Variants in DPP10 observed in about 807,000 individuals in gnomAD.
DPP10 encodes the protein dipeptidyl peptidase like 10.
DPP10 carries 33 observed loss-of-function variants against 120.9 expected under a neutral mutation model. That is an observed-to-expected ratio of 0.27 (90% CI 0.21 to 0.37). DPP10 has a LOEUF of 0.37. DPP10 is among the 10% of genes least tolerant of loss of function. The pLI, the probability that DPP10 is intolerant of heterozygous loss-of-function variation, is 1.00. For synonymous variants in DPP10, 337 were observed against 326.1 expected (o/e 1.03, Z -0.36); for missense variants, 816 against 942.8 (o/e 0.87, Z 1.76).
chr2:115,744,799 T>G (rs1677738779), intron 9 of DPP10, among the ~76,000 whole-genome samples: 3 of 150,434 alleles, frequency 2.0e-5, no homozygotes, highest in Admixed American at 1.4e-4. Context: ...ACATGGATCT[T>G]CGTCATTTTT....
chr2:115,316,584 A>G (rs2061804381), intron 2 of DPP10, among the ~76,000 whole-genome samples: 2 of 152,126 alleles, frequency 1.3e-5, no homozygotes, highest in Non-Finnish European at 2.9e-5. Flanking sequence ...ATGTATTTTT[A>G]TTTCTGGTTT....
intron 1 of DPP10, among the ~76,000 whole-genome samples, chr2:114,771,729 A>G (rs1006548500): frequency 3.9e-5 from 6 of 152,318 alleles, no homozygotes; most frequent in Admixed American, 2.0e-4. Flanking sequence ...AACACTTCCA[A>G]CACTTCCAAG....
At chr2:114,886,102 C>A (rs918757790) in intron 1 of DPP10, among the ~76,000 whole-genome samples, 10 of 152,042 alleles carry the variant, frequency 6.6e-5, no homozygotes, top group African/African-American at 1.9e-4. Flanking sequence ...TACTTTTGGA[C>A]AAATTTAAAA....
intron 1 of DPP10, among the ~76,000 whole-genome samples, chr2:114,567,361 T>C (rs1170119176): frequency 6.6e-6 from 1 of 152,118 alleles, no homozygotes; most frequent in African/African-American, 2.4e-5. Context: ...AGTTGGAGAT[T>C]AGAATATGGG....
At chr2:115,449,237 C>T (rs997665262) in intron 3 of DPP10, among the ~76,000 whole-genome samples, 1 of 151,942 alleles carries the variant, frequency 6.6e-6, no homozygotes, top group African/African-American at 2.4e-5. Context: ...ACATTTGATG[C>T]AAGATATACT....
At chr2:115,152,934 GT>G (rs2051657769) in intron 1 of DPP10, among the ~76,000 whole-genome samples, 2 of 152,206 alleles carry the variant, frequency 1.3e-5, no homozygotes, top group South Asian at 4.1e-4. Context: ...AGTATAATGA[GT>G]AGGATGAACA....
intron 2 of DPP10, among the ~76,000 whole-genome samples, chr2:115,339,050 G>T (rs565615359): frequency 6.6e-6 from 1 of 152,084 alleles, no homozygotes; most frequent in Non-Finnish European, 1.5e-5. Flanking sequence ...TGAAATTCAC[G>T]TATCTGACAA....
intron 7 of DPP10, among the ~76,000 whole-genome samples, chr2:115,692,583 A>G (rs2091377209): frequency 6.6e-6 from 1 of 152,022 alleles, no homozygotes; most frequent in Non-Finnish European, 1.5e-5. Context: ...TGATTGGCCA[A>G]CCCTCATCCT....
chr2:115,189,523 A>C (rs2054711589), intron 1 of DPP10, among the ~76,000 whole-genome samples: 1 of 152,228 alleles, frequency 6.6e-6, no homozygotes, highest in Non-Finnish European at 1.5e-5. Context: ...AAAGAATAAC[A>C]GAGCTGAACA....
chr2:115,006,615 C>G (rs1359768380), intron 1 of DPP10, among the ~76,000 whole-genome samples: 6 of 146,650 alleles, frequency 4.1e-5, no homozygotes, highest in East Asian at 2.0e-4. Context: ...TCAAAAGAGA[C>G]AAAGAAGGCC....
chr2:114,929,711 G>A (rs1297016586), intron 1 of DPP10, among the ~76,000 whole-genome samples: 1 of 152,082 alleles, frequency 6.6e-6, no homozygotes, highest in Admixed American at 6.5e-5. Flanking sequence ...TGCAGTTAAC[G>A]CAATCATCAC....
intron 1 of DPP10, among the ~76,000 whole-genome samples, chr2:115,236,030 G>A (rs1211638834): frequency 1.3e-5 from 2 of 152,102 alleles, no homozygotes; most frequent in Non-Finnish European, 2.9e-5. Context: ...GCTAAGGAGT[G>A]CAAGAAACAG....
intron 1 of DPP10, among the ~76,000 whole-genome samples, chr2:114,566,118 G>A (rs78891953): frequency 0.043 from 6,567 of 152,154 alleles, 418 homozygotes; most frequent in East Asian, 0.21. Flanking sequence ...ATTTTCAGGG[G>A]TTCAGGTTCA....
chr2:114,855,148 G>C (rs905162096), intron 1 of DPP10, among the ~76,000 whole-genome samples: 1 of 152,164 alleles, frequency 6.6e-6, no homozygotes, highest in Non-Finnish European at 1.5e-5. Context: ...AAAAGAGAGA[G>C]AGACGTTGGA....
intron 3 of DPP10, among the ~76,000 whole-genome samples, chr2:115,495,996 C>T (rs2076376883): frequency 6.6e-6 from 1 of 150,750 alleles, no homozygotes; most frequent in African/African-American, 2.4e-5. Context: ...TATTTGATTA[C>T]TTAAAGTTAA....
chr2:115,146,304 G>T (rs2051220850), intron 1 of DPP10, among the ~76,000 whole-genome samples: 1 of 150,804 alleles, frequency 6.6e-6, no homozygotes, highest in African/African-American at 2.4e-5. Context: ...TGGAGTGGGA[G>T]AAACTGAAAC....
intron 10 of DPP10, among the ~76,000 whole-genome samples, chr2:115,748,639 T>C (rs1194682391): frequency 6.6e-6 from 1 of 152,144 alleles, no homozygotes; most frequent in Non-Finnish European, 1.5e-5. Context: ...TCTGATTGCT[T>C]ATTTGGATGA....
At chr2:115,639,900 G>C (rs1558964561) in intron 5 of DPP10, among the ~76,000 whole-genome samples, 2 of 151,872 alleles carry the variant, frequency 1.3e-5, no homozygotes, top group Non-Finnish European at 2.9e-5. Flanking sequence ...ACTGAGAACA[G>C]AGACTGAATT....
intron 3 of DPP10, among the ~76,000 whole-genome samples, chr2:115,405,918 T>G (rs1255293573): frequency 6.6e-6 from 1 of 152,192 alleles, no homozygotes; most frequent in Non-Finnish European, 1.5e-5. Flanking sequence ...ATCTTTGAAA[T>G]GCCTTTGGGG....
Sources: gnomAD v4.1 joint callset for allele counts (sites outside exome capture counted in the v4.1 genomes callset) on GRCh38, gnomAD v4.1.1 for gene constraint, MANE v1.5 for transcripts, NCBI Gene and HGNC (gene_info 2026-07-23, HGNC 2026-07-21) for gene names.